TP53BP1: variants seen among roughly 807,000 people sequenced by gnomAD.
TP53BP1 encodes TP53-binding protein 1.
In TP53BP1, 61 loss-of-function variants were observed where a neutral mutation model predicts 200.8. The ratio of observed to expected loss-of-function variants is 0.30; its 90% CI spans 0.25 to 0.38. The LOEUF is 0.38. Among genes scored for constraint, TP53BP1 ranks in the 10% least tolerant of loss-of-function variants. The probability of loss-of-function intolerance (pLI) is 1.00; values close to 1 mark genes in which losing one functional copy is unlikely to be tolerated. For missense variants in TP53BP1, 2,144 were observed against 2,371.9 expected (o/e 0.90, Z 2.00); for synonymous variants, 822 against 844.3 (o/e 0.97, Z 0.46).
At chr15:43,419,572 A>G (rs2058862270) in intron 21 of TP53BP1, among the ~76,000 whole-genome samples, 1 of 110,372 alleles carries the variant, frequency 9.1e-6, no homozygotes, top group Admixed American at 1.1e-4. Context: ...TTTGAGAGAC[A>G]GGGTCTCACT....
At chr15:43,460,458 T>C (rs1291576118) in intron 11 of TP53BP1, among the ~76,000 whole-genome samples, 1 of 152,016 alleles carries the variant, frequency 6.6e-6, no homozygotes, top group Non-Finnish European at 1.5e-5. Context: ...AGGGTCTCAT[T>C]TTGTTGCCCA....
At chr15:43,499,073 G>T (rs1338769083) in intron 1 of TP53BP1, among the ~76,000 whole-genome samples, 3 of 151,620 alleles carry the variant, frequency 2.0e-5, no homozygotes, top group Admixed American at 2.0e-4. Context: ...TGTTTCAATG[G>T]AAAGAAGGGA....
intron 15 of TP53BP1, among the ~76,000 whole-genome samples, chr15:43,439,652 G>A (rs1033899812): frequency 2.6e-5 from 4 of 152,144 alleles, no homozygotes; most frequent in African/African-American, 4.8e-5. Context: ...CAAACAAGTC[G>A]AATTTTTTTA....
Position 43,446,658 on chromosome 15 carries a change from C to A in TP53BP1, c.2837-68G>T. Reference sequence around the variant, plus strand: ...AATACAAACACAAAAAACAGCAATTCAAGGTCATCAATTTGCCTGTTTGGC... The same window carrying A: ...AATACAAACACAAAAAACAGCAATTAAAGGTCATCAATTTGCCTGTTTGGC... On this transcript the variant is annotated intron_variant, in intron 13 of 27. Transcript: ENST00000382044. 1.9e-6 allele frequency: 3 copies of A among 1,576,380 alleles called. No homozygotes were observed. The South Asian group carries it at 3.4e-5, about 18-fold the overall frequency.
chr15:43,438,472 GGAGATTATCCTTTTATGCACA>G, intron 15 of TP53BP1, 56 bp from the exon 16 acceptor site: 1 of 1,449,226 alleles, frequency 6.9e-7, no homozygotes, highest in Non-Finnish European at 9.5e-7. Context: ...AAGTACTTTT[GGAGATTATCCTTTTATGCACA>G]GAGGAAATAA....
At chr15:43,502,258 G>A (rs948209666) in intron 1 of TP53BP1, among the ~76,000 whole-genome samples, 1 of 152,050 alleles carries the variant, frequency 6.6e-6, no homozygotes, top group African/African-American at 2.4e-5. Context: ...AGGAGTTCAA[G>A]GTTGCAGTGA....
At position 43,475,905 on chromosome 15, in the gene TP53BP1, C is replaced by T. The variant is rs192430129; in HGVS notation, c.956-211G>A. 5.5e-3 allele frequency among the ~76,000 whole-genome samples: 837 copies of T among 152,340 alleles called. 3 individuals are homozygous for T. Among genetic ancestry groups the T allele is most frequent in the Admixed American group, 9.7e-3 (148 of 15,300 alleles). The stretch of plus-strand genomic sequence containing the variant: ...CATTAACCACCCCCGCAATGGGCTT[C>T]TTGAATAAAGAACTGATGAAGAGTT... On this transcript the variant is annotated intron_variant, in intron 8 of 27. Coordinates refer to ENST00000382044, the MANE Select transcript of TP53BP1 (RefSeq NM_001141980.3).
chr15:43,467,840 G>A (rs2046624913), intron 11 of TP53BP1, among the ~76,000 whole-genome samples: 1 of 151,130 alleles, frequency 6.6e-6, no homozygotes, highest in South Asian at 2.1e-4. Flanking sequence ...CTGCAGTGCA[G>A]TGGCGCGATC....
chr15:43,469,236 C>T (rs1257030128), intron 11 of TP53BP1, among the ~76,000 whole-genome samples: 3 of 152,008 alleles, frequency 2.0e-5, no homozygotes, highest in African/African-American at 7.2e-5. Flanking sequence ...AGTTTTCCCT[C>T]GCTTTTAGAA....
At chr15:43,501,337 C>A (rs1429803347) in intron 1 of TP53BP1, among the ~76,000 whole-genome samples, 1 of 151,958 alleles carries the variant, frequency 6.6e-6, no homozygotes, top group Admixed American at 6.6e-5. Context: ...AGCTCAGTCT[C>A]CTCGGGGCTG....
intron 12 of TP53BP1, among the ~76,000 whole-genome samples, chr15:43,453,708 C>A (rs1030570913): frequency 4.6e-5 from 7 of 151,644 alleles, no homozygotes; most frequent in Admixed American, 2.0e-4. Flanking sequence ...TCATTCCAGG[C>A]TAATTTTTGT....
chr15:43,421,924 C>T lies in TP53BP1; in HGVS notation c.4031G>A (p.Gly1344Glu). ...TGCGGGTTCTGTCCCGCTGGTTTTC[C>T]CTCTGAGTGGTCCGGCTCCTTTCCC... ...SSGKGAGPLR[G>E]KTSGTEPADF... The change falls in exon 19 of 28, where the codon GGG (glycine) becomes GAG (glutamate). Residue 1344 changes from glycine (G) to glutamate (E), a missense_variant. By Grantham distance (98) the Gly-to-Glu change is moderately conservative (BLOSUM62 -2). This residue lies in a region of TP53BP1 where 1,700 missense variants were observed against 1,710.3 expected (regional missense o/e 0.99). Coordinates refer to ENST00000382044, the MANE Select transcript of TP53BP1 (RefSeq NM_001141980.3). The T allele has an allele frequency of 6.2e-7, 1 of 1,614,174 alleles. No homozygotes were observed. Among genetic ancestry groups the T allele is most frequent in the Non-Finnish European group, 8.5e-7 (1 of 1,180,042 alleles).
rs759369582 is a variant in TP53BP1, at chr15:43,403,713, C to G, written c.*3670G>C. The G allele has an allele frequency of 2.0e-5, 33 of 1,613,176 alleles. No individual in the cohort carries two copies. The South Asian group carries it at 3.4e-4, about 17-fold the overall frequency. On this transcript the variant is annotated 3_prime_UTR_variant, in exon 28 of 28. Transcript: ENST00000382044. ...TCACTGCCTGAATGAAATCCTAGAT[C>G]TCTGTCACAGTTTTTGTTCGCTGGT...
At position 43,405,461 on chromosome 15, in the gene TP53BP1, G is replaced by A; in HGVS notation, c.*1922C>T. ...CTGATCCTTTACATTGAGAACATTT[G>A]TTGGATATGTTCATTTATTCAATAG... On this transcript the variant is annotated 3_prime_UTR_variant, in exon 28 of 28. Coordinates refer to ENST00000382044, the MANE Select transcript of TP53BP1 (RefSeq NM_001141980.3). 2 of 567,648 alleles carry A rather than the reference G, an allele frequency of 3.5e-6. No homozygotes were observed. The highest frequency in any genetic ancestry group is 6.3e-6 in the Non-Finnish European group (2 of 318,762). The allele number at this position is 567,648 out of a possible 1,614,324, so 35.2% of individuals were successfully genotyped here.
chr15:43,481,031 CAGA>C lies in TP53BP1; in HGVS notation c.372-12_372-10del, dbSNP rs768095233. 3 of 1,613,836 alleles carry C rather than the reference CAGA, an allele frequency of 1.9e-6. No homozygotes were observed. In the East Asian group the frequency reaches 6.7e-5, roughly 36 times the overall value. On this transcript the variant is annotated splice_polypyrimidine_tract_variant and intron_variant, in intron 4 of 27. Coordinates refer to ENST00000382044, the MANE Select transcript of TP53BP1 (RefSeq NM_001141980.3). ...CTGACATTCCCAGAACACTACACAG[CAGA>C]AGGATATAATCATGTGTTCCCAGAT... is the stretch of plus-strand genomic sequence containing the variant.
intron 14 of TP53BP1, among the ~76,000 whole-genome samples, chr15:43,445,714 A>G (rs976382365): frequency 6.6e-6 from 1 of 152,116 alleles, no homozygotes; most frequent in East Asian, 1.9e-4. Flanking sequence ...CCTTACTTCC[A>G]TATTCACCTG....
At chr15:43,472,914 G>A (rs113891138) in intron 10 of TP53BP1, among the ~76,000 whole-genome samples, 80 of 152,264 alleles carry the variant, frequency 5.3e-4, no homozygotes, top group African/African-American at 1.7e-3. Context: ...GGACCCTCAC[G>A]GTGAGAGTTA....
rs1372389120 is a variant in TP53BP1 at position 43,493,117 on chromosome 15, G to C, written c.-74C>G. On this transcript the variant is annotated 5_prime_UTR_variant, in exon 1 of 28. Coordinates refer to ENST00000382044, the MANE Select transcript of TP53BP1 (RefSeq NM_001141980.3). ...CCAAGTCCCTCCAGATCGATCCCTA[G>C]GTCGCCGCTGTCGCCACCGCCGCCA... 1.3e-6 allele frequency: 2 copies of C among 1,598,648 alleles called. No homozygotes were observed. The highest frequency in any genetic ancestry group is 1.7e-5 in the Admixed American group (1 of 58,282).
intron 11 of TP53BP1, among the ~76,000 whole-genome samples, chr15:43,459,281 G>C (rs1376312857): frequency 1.3e-5 from 2 of 152,116 alleles, no homozygotes; most frequent in African/African-American, 4.8e-5. Flanking sequence ...AGGTTGCAGT[G>C]AGGCAAAATC....
Sources: allele counts gnomAD v4.1 joint callset (sites outside exome capture counted in the v4.1 genomes callset), GRCh38; gene constraint gnomAD v4.1.1; regional missense constraint gnomAD v4.1.1; transcripts MANE v1.5; gene names NCBI Gene and HGNC (gene_info 2026-07-23, HGNC 2026-07-21).